The following IRS2 variants were observed in gnomAD, a reference collection of about 807,000 sequenced individuals.
The protein encoded by IRS2 is insulin receptor substrate 2.
In IRS2, 28 loss-of-function variants were observed where a neutral mutation model predicts 70.9. That is an observed-to-expected ratio of 0.39 (90% confidence interval 0.29 to 0.54). The LOEUF (loss-of-function observed/expected upper bound fraction) is 0.54. Among genes scored for constraint, IRS2 ranks in the 20% least tolerant of loss-of-function variants. The probability of loss-of-function intolerance (pLI) is 0.59; values close to 1 mark genes in which losing one functional copy is unlikely to be tolerated. For synonymous variants in IRS2, 1,217 were observed against 981.9 expected (o/e 1.24, Z -4.48); for missense variants, 2,081 against 2,024.1 (o/e 1.03, Z -0.54).
intron 1 of IRS2, among the ~76,000 whole-genome samples, chr13:109,759,844 C>A (rs1299873154): frequency 6.6e-6 from 1 of 152,130 alleles, no homozygotes; most frequent in Admixed American, 6.6e-5. Context: ...CAACACGATA[C>A]CTACCACCCA....
Position 109,782,262 on chromosome 13 carries a change from C to G in IRS2, c.3792G>C (p.Leu1264=), listed in dbSNP as rs757201689. The G allele has an allele frequency of 6.2e-6, 10 of 1,607,104 alleles. No individual in the cohort carries two copies. Among genetic ancestry groups the G allele is most frequent in the Non-Finnish European group, 8.5e-6 (10 of 1,177,698 alleles). ...IAIDVREEPG[L]PPQPQPPPPP... ...GCGGCGGCGGCTGCGGCTGGGGTGG[C>G]AGCCCGGGCTCCTCCCTCACGTCGA... The change falls in exon 1 of 2, where the codon CTG becomes CTC. Residue 1264 remains leucine (L), a synonymous_variant. Transcript: ENST00000375856.
In IRS2 at chr13:109,782,359, G is replaced by A. The variant is rs761581924; in HGVS notation, c.3695C>T (p.Pro1232Leu). 2.7e-5 allele frequency: 44 copies of A among 1,611,590 alleles called. No individual in the cohort carries two copies. The highest frequency in any genetic ancestry group is 3.1e-5 in the Non-Finnish European group (36 of 1,179,432). ...PGQPGGLVGC[P>L]GSGGSPMRRE... is the part of the protein sequence containing the mutation. ...GCGCATGGGCGATCCACCGCTCCCA[G>A]GACAACCGACCAAGCCCCCGGGCTG... The change falls in exon 1 of 2, where the codon CCT (proline) becomes CTT (leucine). Residue 1232 changes from proline to leucine, a missense_variant. Physicochemically the swap from Pro to Leu is moderately conservative, Grantham distance 98. Around this residue, in one of 4 missense-constraint regions of IRS2, gnomAD observed 1,615 missense variants for 1,459.5 expected, o/e 1.11. Transcript: ENST00000375856.
rs6492225 is a variant in IRS2, at chr13:109,753,619, C to A, written c.*2685G>T. ...CATAAGGACTCTGTTTTGTAGAGTA[C>A]ATCGAATGTTCTGTTTTGTTATATA... On this transcript the variant is annotated 3_prime_UTR_variant, in exon 2 of 2. Transcript: ENST00000375856. 0.87 allele frequency: 147,269 copies of A among 169,324 alleles called. 64,152 individuals are homozygous for A. Among genetic ancestry groups the A allele is most frequent in the African/African-American group, 0.91 (38,288 of 42,118 alleles). 10.5% of individuals were successfully genotyped at this position (169,324 alleles called of 1,614,324 possible).
chr13:109,766,903 A>G (rs535557556), intron 1 of IRS2, among the ~76,000 whole-genome samples: 3 of 152,400 alleles, frequency 2.0e-5, no homozygotes, highest in East Asian at 1.9e-4. Context: ...CCAAAATGCC[A>G]AAGTGTCTAT....
At chr13:109,763,572 C>T (rs543093083) in intron 1 of IRS2, among the ~76,000 whole-genome samples, 1 of 152,320 alleles carries the variant, frequency 6.6e-6, no homozygotes, top group Non-Finnish European at 1.5e-5. Flanking sequence ...AATCTTTTCT[C>T]TTTCTTGGGT....
chr13:109,759,170 C>T (rs1203156353), intron 1 of IRS2, among the ~76,000 whole-genome samples: 1 of 152,216 alleles, frequency 6.6e-6, no homozygotes, highest in African/African-American at 2.4e-5. Flanking sequence ...AGCCTGTCTC[C>T]TGTTAGGTTA....
At position 109,782,968 on chromosome 13, in the gene IRS2, A is replaced by G. The variant is rs1342912826; in HGVS notation, c.3086T>C (p.Leu1029Pro). 7.0e-7 allele frequency: 1 copy of G among 1,420,228 alleles called. No individual in the cohort carries two copies. The highest frequency in any genetic ancestry group is 2.8e-5 in the East Asian group (1 of 35,244). 88.0% of individuals were successfully genotyped at this position (1,420,228 alleles called of 1,614,324 possible). ...PRPSASPSSSLQPPPPPPAPG... is the reference protein window; with the variant it reads ...PRPSASPSSSPQPPPPPPAPG... ...GGCCGGCGGCGGTGGCGGCGGCTGC[A>G]GAGACGACGACGGGGACGCGGACGG... The change falls in exon 1 of 2, where the codon CTG becomes CCG. Residue 1029 changes from leucine (L) to proline (P), a missense_variant. Leu to Pro is a moderately conservative substitution (Grantham distance 98). Coordinates refer to ENST00000375856, the MANE Select transcript of IRS2 (RefSeq NM_003749.3).
rs765365775 is a variant in IRS2 at position 109,784,258 on chromosome 13, G to T, written c.1796C>A (p.Thr599Asn). Residue 599 changes from threonine to asparagine, a missense_variant, in exon 1 of 2, where the codon ACC (threonine) becomes AAC (asparagine). Physicochemically the swap from Thr to Asn is moderately conservative, Grantham distance 65. Around this residue, in one of 4 missense-constraint regions of IRS2, gnomAD observed 1,615 missense variants for 1,459.5 expected, o/e 1.11. Coordinates refer to ENST00000375856, the MANE Select transcript of IRS2 (RefSeq NM_003749.3). The surrounding 1 kb of genome is among the most constrained non-coding windows in gnomAD (Gnocchi z 5.2). ...QPSSASLDEYTLMRATFSGSA... is the reference protein window; with the variant it reads ...QPSSASLDEYNLMRATFSGSA... ...GCCCGAGAAGGTGGCCCGCATCAGGGTGTATTCATCCAGCGAGGCAGAGGA... is the reference window on the plus strand; with the variant it reads ...GCCCGAGAAGGTGGCCCGCATCAGGTTGTATTCATCCAGCGAGGCAGAGGA... The T allele has an allele frequency of 6.3e-7, 1 of 1,588,822 alleles. No homozygotes were observed. The highest frequency in any genetic ancestry group is 1.7e-5 in the Admixed American group (1 of 58,652).
intron 1 of IRS2, among the ~76,000 whole-genome samples, chr13:109,765,359 A>G (rs1031510876): frequency 6.6e-6 from 1 of 152,206 alleles, no homozygotes; most frequent in Non-Finnish European, 1.5e-5. Flanking sequence ...TCCTTGCCCA[A>G]GGATGTGGAG....
chr13:109,761,160 G>C (rs1877216582), intron 1 of IRS2, among the ~76,000 whole-genome samples: 1 of 152,174 alleles, frequency 6.6e-6, no homozygotes, highest in African/African-American at 2.4e-5. Flanking sequence ...TCTGCAGAGG[G>C]GCTTACGGCC....
chr13:109,764,113 C>A (rs12583444), intron 1 of IRS2, among the ~76,000 whole-genome samples: 2,223 of 152,304 alleles, frequency 0.015, 18 homozygotes, highest in East Asian at 0.039. Context: ...GTCACTGAAG[C>A]GCAGGCTCTC....
chr13:109,772,753 T>C (rs1877483228), intron 1 of IRS2, among the ~76,000 whole-genome samples: 2 of 149,660 alleles, frequency 1.3e-5, no homozygotes, highest in Admixed American at 1.3e-4. Context: ...CGGACTGCAG[T>C]GGCGCGATCT....
chr13:109,774,583 C>G lies in IRS2; in HGVS notation c.4012+7459G>C, dbSNP rs61040545. Among the ~76,000 whole-genome samples the G allele has an allele frequency of 6.9e-3, 1,042 of 152,056 alleles. 10 individuals are homozygous for G. Among genetic ancestry groups the G allele is most frequent in the African/African-American group, 0.024 (985 of 41,462 alleles). On this transcript the variant is annotated intron_variant, in intron 1 of 1. Coordinates refer to ENST00000375856, the MANE Select transcript of IRS2 (RefSeq NM_003749.3). The stretch of plus-strand genomic sequence containing the variant: ...AATGTAATTATTGCATATGAGCTTC[C>G]CAAGCAGACAATATGACATTAGAGA...
chr13:109,785,045 C>T lies in IRS2; in HGVS notation c.1009G>A (p.Gly337Ser), dbSNP rs1172667885. ...HLVNLPPSQT[G>S]LVRRSRTDSL... Reference sequence around the variant, plus strand: ...TCGGTGCGCGAGCGGCGCACCAGGCCCGTCTGGCTGGGGGGCAGGTTGACC... The same window carrying T: ...TCGGTGCGCGAGCGGCGCACCAGGCTCGTCTGGCTGGGGGGCAGGTTGACC... Residue 337 changes from glycine to serine, a missense_variant, in exon 1 of 2, where the codon GGC (glycine) becomes AGC (serine). Coordinates refer to ENST00000375856, the MANE Select transcript of IRS2 (RefSeq NM_003749.3). The surrounding 1 kb of genome is among the most constrained non-coding windows in gnomAD (Gnocchi z 9.3). 2 of 1,547,212 alleles carry T rather than the reference C, an allele frequency of 1.3e-6. No homozygotes were observed. Among genetic ancestry groups the T allele is most frequent in the Admixed American group, 1.9e-5 (1 of 51,980 alleles).
At chr13:109,759,043 A>C (rs1449354105) in intron 1 of IRS2, among the ~76,000 whole-genome samples, 1 of 152,218 alleles carries the variant, frequency 6.6e-6, no homozygotes, top group African/African-American at 2.4e-5. Context: ...GGAGACCAGA[A>C]ACAGGATGAC....
rs1264692354 is a variant in IRS2 at position 109,783,916 on chromosome 13, G to T, written c.2138C>A (p.Thr713Asn). The stretch of plus-strand genomic sequence containing the variant: ...CGGGAATGTCCTGCCCGCCGCAGAG[G>T]TGGGTGCTGGCCCCGCAGGCCCCGC... Reference protein sequence around the residue: ...PSAGPAGPAPTSAAGRTFPAS... With the variant: ...PSAGPAGPAPNSAAGRTFPAS... Residue 713 changes from threonine (T) to asparagine (N), a missense_variant, in exon 1 of 2, where the codon ACC becomes AAC. Thr to Asn is a moderately conservative substitution (Grantham distance 65). Transcript: ENST00000375856. 1 of 1,544,104 alleles carries T rather than the reference G, an allele frequency of 6.5e-7. No homozygotes were observed.
chr13:109,759,279 G>T (rs1877177071), intron 1 of IRS2, among the ~76,000 whole-genome samples: 1 of 152,204 alleles, frequency 6.6e-6, no homozygotes, highest in African/African-American at 2.4e-5. Flanking sequence ...GCTCCCCAGT[G>T]CCCTGCCTCT....
chr13:109,785,068 A>C lies in IRS2; in HGVS notation c.986T>G (p.Val329Gly). Residue 329 changes from valine to glycine, a missense_variant, in exon 1 of 2, where the codon GTC (valine) becomes GGC (glycine). Physicochemically the swap from Val to Gly is moderately radical, Grantham distance 109. Around this residue, in one of 4 missense-constraint regions of IRS2, gnomAD observed 111 missense variants for 133.1 expected, o/e 0.83. Coordinates refer to ENST00000375856, the MANE Select transcript of IRS2 (RefSeq NM_003749.3). This position sits in a 1 kb window ranked among gnomAD's most constrained non-coding sequence, Gnocchi z 9.3. ...GCCCGTCTGGCTGGGGGGCAGGTTG[A>C]CCAGGTGGTGGTGGCGGCGCGCGCC... The part of the protein sequence containing the change: ...VPGARRHHHL[V>G]NLPPSQTGLV... The C allele has an allele frequency of 6.4e-7, 1 of 1,570,938 alleles. No homozygotes were observed. The highest frequency in any genetic ancestry group is 8.6e-7 in the Non-Finnish European group (1 of 1,159,922).
chr13:109,779,979 G>A (rs1594387776), intron 1 of IRS2, among the ~76,000 whole-genome samples: 1 of 151,966 alleles, frequency 6.6e-6, no homozygotes, highest in African/African-American at 2.4e-5. Flanking sequence ...TTCCTATTTG[G>A]ACCCCAATTC....
Sources: allele counts gnomAD v4.1 joint callset (sites outside exome capture counted in the v4.1 genomes callset), GRCh38; gene constraint gnomAD v4.1.1; regional missense constraint gnomAD v4.1.1; non-coding constraint Gnocchi (gnomAD v3.1); transcripts MANE v1.5; gene names NCBI Gene and HGNC (gene_info 2026-07-23, HGNC 2026-07-21).